Variants in TTC7B observed in about 807,000 individuals in gnomAD.
TTC7B encodes the protein tetratricopeptide repeat protein 7B.
TTC7B carries 28 observed loss-of-function variants against 106.8 expected under a neutral mutation model. The ratio of observed to expected loss-of-function variants is 0.26; its 90% CI spans 0.19 to 0.36. TTC7B has a LOEUF of 0.36. Ranked by LOEUF, TTC7B falls within the 10% of genes least tolerant of loss-of-function variation. The pLI, the probability that TTC7B is intolerant of heterozygous loss-of-function variation, is 1.00. For synonymous variants in TTC7B, 405 were observed against 430.6 expected, an observed-to-expected ratio of 0.94 and a Z score of 0.74; for missense variants, 862 against 1,076.4, an observed-to-expected ratio of 0.80 and a Z score of 2.79.
chr14:90,793,553 T>A (rs1482097318), intron 1 of TTC7B, among the ~76,000 whole-genome samples: 1 of 151,716 alleles, frequency 6.6e-6, no homozygotes, highest in Non-Finnish European at 1.5e-5. Context: ...TCTCTTTCCT[T>A]TATAAATTAC....
In TTC7B at chr14:90,744,957, T is replaced by C. The variant is rs1566867205; in HGVS notation, c.446-35A>G. 2.5e-6 allele frequency: 4 copies of C among 1,606,408 alleles called. No individual in the cohort carries two copies. The East Asian group carries it at 6.7e-5, about 27-fold the overall frequency. On this transcript the variant is annotated intron_variant, in intron 3 of 19. Coordinates refer to ENST00000328459, the MANE Select transcript of TTC7B (RefSeq NM_001010854.2). ...ATATCAGACACAAAAACTGAGTGAA[T>C]TTTTTTTCATAAGGCTTCATTTTTA...
rs962711367 is a variant in TTC7B, at chr14:90,570,481, C to A, written c.2310+7625G>T. On this transcript the variant is annotated intron_variant, in intron 19 of 19. Transcript: ENST00000328459. The surrounding 1 kb of genome is among the most constrained non-coding windows in gnomAD (Gnocchi z 4.0). The stretch of plus-strand genomic sequence containing the variant: ...GAACAAATCACCCCAGGGGCCTCCA[C>A]CAATGCACTCTCCCACCCTTTTCCA... 3.3e-5 allele frequency among the ~76,000 whole-genome samples: 5 copies of A among 152,280 alleles called. No individual in the cohort carries two copies. The highest frequency in any genetic ancestry group is 1.2e-4 in the African/African-American group (5 of 41,540).
chr14:90,555,709 G>A (rs1890273004), intron 19 of TTC7B, among the ~76,000 whole-genome samples: 1 of 152,226 alleles, frequency 6.6e-6, no homozygotes, highest in African/African-American at 2.4e-5. Context: ...AAATGGCTGT[G>A]AGAACAGAAG....
At chr14:90,584,085 G>A (rs1388192970) in intron 18 of TTC7B, among the ~76,000 whole-genome samples, 1 of 152,156 alleles carries the variant, frequency 6.6e-6, no homozygotes, top group African/African-American at 2.4e-5. Flanking sequence ...TGAGCCGCAA[G>A]TGTGCCAACC....
At chr14:90,658,985 G>C (rs1244592632) in intron 9 of TTC7B, among the ~76,000 whole-genome samples, 1 of 152,202 alleles carries the variant, frequency 6.6e-6, no homozygotes, top group Non-Finnish European at 1.5e-5. Context: ...ACTGGGGTGA[G>C]TGGGGTGAGG....
chr14:90,738,939 C>T (rs77983655), intron 4 of TTC7B, among the ~76,000 whole-genome samples: 6,921 of 152,186 alleles, frequency 0.045, 190 homozygotes, highest in Non-Finnish European at 0.058. Flanking sequence ...GTAAGAGGAT[C>T]GCTTCGGCCT....
At chr14:90,611,465 G>T (rs1383755727) in intron 16 of TTC7B, among the ~76,000 whole-genome samples, 2 of 152,124 alleles carry the variant, frequency 1.3e-5, no homozygotes, top group East Asian at 3.9e-4. Context: ...CACTCATTCT[G>T]GGGTCCCCAG....
intron 13 of TTC7B, among the ~76,000 whole-genome samples, chr14:90,651,187 A>C (rs962737060): frequency 6.6e-6 from 1 of 152,244 alleles, no homozygotes; most frequent in African/African-American, 2.4e-5. Flanking sequence ...TCTTTCCCTT[A>C]AAGATTTTTG....
chr14:90,798,297 C>A (rs563272934), intron 1 of TTC7B, among the ~76,000 whole-genome samples: 1 of 152,198 alleles, frequency 6.6e-6, no homozygotes, highest in East Asian at 1.9e-4. Flanking sequence ...CCCTGGCAAG[C>A]CCAGAATCAT....
chr14:90,545,797 C>A (rs1170702463), intron 19 of TTC7B, among the ~76,000 whole-genome samples: 1 of 152,232 alleles, frequency 6.6e-6, no homozygotes, highest in Admixed American at 6.5e-5. Flanking sequence ...GAGAACCAAC[C>A]CCGAGGGGCT....
intron 6 of TTC7B, among the ~76,000 whole-genome samples, chr14:90,693,365 G>T (rs897666334): frequency 3.9e-5 from 6 of 152,052 alleles, no homozygotes; most frequent in Non-Finnish European, 7.4e-5. Context: ...GAGTCAAATT[G>T]CTAACCAACC....
intron 2 of TTC7B, 99 bp downstream of exon 2, chr14:90,786,075 C>T: frequency 7.4e-7 from 1 of 1,342,684 alleles, no homozygotes; most frequent in South Asian, 1.6e-5. Context: ...TGGCAGTGTG[C>T]AGGTGAGCTC....
chr14:90,660,395 C>CAAAA (rs57030874), intron 9 of TTC7B, among the ~76,000 whole-genome samples: 116 of 40,902 alleles, frequency 2.8e-3, no homozygotes, highest in Non-Finnish European at 3.5e-3. Flanking sequence ...CACCCTGTCT[C>CAAAA]AAAAAAAAAA....
intron 13 of TTC7B, among the ~76,000 whole-genome samples, chr14:90,651,709 T>C (rs1039074307): frequency 6.6e-6 from 1 of 152,232 alleles, no homozygotes; most frequent in Non-Finnish European, 1.5e-5. Context: ...TGGTACTTTT[T>C]GTCAATACCC....
rs187965682 is a variant in TTC7B at position 90,624,344 on chromosome 14, A to G, written c.1752-6299T>C. Among the ~76,000 whole-genome samples the G allele has an allele frequency of 2.6e-4, 39 of 152,306 alleles. No individual in the cohort carries two copies. Among genetic ancestry groups the G allele is most frequent in the Admixed American group, 2.4e-3 (36 of 15,296 alleles). Reference sequence around the variant, plus strand: ...AAAGAAGACACAACTGCCCCTGGGGAAGCTCTGGGGCACGCGGCATTGTGA... The same window carrying G: ...AAAGAAGACACAACTGCCCCTGGGGGAGCTCTGGGGCACGCGGCATTGTGA... On this transcript the variant is annotated intron_variant, in intron 15 of 19. Transcript: ENST00000328459. The surrounding 1 kb of genome is among the most constrained non-coding windows in gnomAD (Gnocchi z 4.0).
chr14:90,578,653 C>A lies in TTC7B; in HGVS notation c.2108-345G>T, dbSNP rs1891363102. Among the ~76,000 whole-genome samples, 2 of 151,962 alleles carry A rather than the reference C, an allele frequency of 1.3e-5. No individual in the cohort carries two copies. The highest frequency in any genetic ancestry group is 4.8e-5 in the African/African-American group (2 of 41,376). Reference sequence around the variant, plus strand: ...TGGACAGAGGCTGGCCCGGTCCAACCCTTGGCTCTGACCCCCATAGAAAAA... The same window carrying A: ...TGGACAGAGGCTGGCCCGGTCCAACACTTGGCTCTGACCCCCATAGAAAAA... On this transcript the variant is annotated intron_variant, in intron 18 of 19. Transcript: ENST00000328459. This position sits in a 1 kb window ranked among gnomAD's most constrained non-coding sequence, Gnocchi z 4.7.
intron 5 of TTC7B, among the ~76,000 whole-genome samples, chr14:90,695,880 G>A (rs2139947567): frequency 6.6e-6 from 1 of 152,214 alleles, no homozygotes; most frequent in South Asian, 2.1e-4. Flanking sequence ...ACTCTCAATG[G>A]CTCTATAGAG....
At chr14:90,667,331 G>C (rs946299419) in intron 9 of TTC7B, among the ~76,000 whole-genome samples, 1 of 152,182 alleles carries the variant, frequency 6.6e-6, no homozygotes, top group Non-Finnish European at 1.5e-5. Context: ...GCCAAGACTG[G>C]AGACAACGAC....
chr14:90,699,218 G>A (rs1402994315), intron 5 of TTC7B: 1 of 455,964 alleles, frequency 2.2e-6, no homozygotes, highest in Admixed American at 2.3e-5. Flanking sequence ...ATTGCCATCT[G>A]TCCCTCTGTG....
Sources: gnomAD v4.1 joint callset for allele counts (sites outside exome capture counted in the v4.1 genomes callset) on GRCh38, gnomAD v4.1.1 for gene constraint, Gnocchi (gnomAD v3.1) non-coding constraint, MANE v1.5 for transcripts, NCBI Gene and HGNC (gene_info 2026-07-23, HGNC 2026-07-21) for gene names.